GALNT14: variants seen among roughly 807,000 people sequenced by gnomAD.
The protein encoded by GALNT14 is UDP-GalNAc:polypeptide N-acetylgalactosaminyltransferase 14.
Under a neutral mutation model 77.5 loss-of-function variants are expected in GALNT14, and 60 were observed. That is an observed-to-expected ratio of 0.77 (90% CI 0.63 to 0.96). The LOEUF is 0.96. Ranked by LOEUF, GALNT14 falls within the 40% of genes least tolerant of loss-of-function variation. GALNT14 has a pLI of 0.00. For missense variants in GALNT14, 710 were observed against 731.0 expected, an observed-to-expected ratio of 0.97 and a Z score of 0.33; for synonymous variants, 280 against 281.7, an observed-to-expected ratio of 0.99 and a Z score of 0.06.
At chr2:30,908,217 C>A (rs1190480452), downstream of GALNT14, among the ~76,000 whole-genome samples, 4 of 151,162 alleles carry the variant, frequency 2.6e-5, no homozygotes, top group Non-Finnish European at 4.4e-5. Context: ...CCAGGGCAAT[C>A]AGGCAGGAGA....
At chr2:30,961,072 G>C (rs1667663689) in intron 3 of GALNT14, among the ~76,000 whole-genome samples, 2 of 152,238 alleles carry the variant, frequency 1.3e-5, no homozygotes, top group Non-Finnish European at 2.9e-5. Context: ...GGCAGCGTGG[G>C]CAGTGTAGGC....
intron 2 of GALNT14, among the ~76,000 whole-genome samples, chr2:30,988,940 C>T (rs368014769): frequency 1.0e-3 from 159 of 152,268 alleles, no homozygotes; most frequent in Middle Eastern, 0.01. Context: ...AAAGTGTGAT[C>T]CGTGGACTAG....
At chr2:31,079,895 G>GCT (rs1373530060) in intron 1 of GALNT14, among the ~76,000 whole-genome samples, 2 of 152,164 alleles carry the variant, frequency 1.3e-5, no homozygotes, top group Admixed American at 6.5e-5. Flanking sequence ...CCCTCCTGCT[G>GCT]CTCCCAGGGA....
intron 3 of GALNT14, 58 bp downstream of exon 3, chr2:30,966,146 C>A: frequency 4.4e-6 from 6 of 1,374,022 alleles, no homozygotes; most frequent in Non-Finnish European, 2.1e-6. Flanking sequence ...GGGGAGCAGA[C>A]ACACTGTCAC....
intron 1 of GALNT14, among the ~76,000 whole-genome samples, chr2:30,996,420 G>T (rs1451494132): frequency 6.6e-6 from 1 of 152,252 alleles, no homozygotes; most frequent in Non-Finnish European, 1.5e-5. Flanking sequence ...CAGCCATCTA[G>T]CCAGGTGGGA....
At chr2:30,941,072 A>G (rs1666349455) in intron 9 of GALNT14, among the ~76,000 whole-genome samples, 1 of 152,212 alleles carries the variant, frequency 6.6e-6, no homozygotes, top group Admixed American at 6.5e-5. Flanking sequence ...GGAGAAAACA[A>G]TGGCAGCAGA....
intron 1 of GALNT14, among the ~76,000 whole-genome samples, chr2:31,068,835 T>C (rs1286543525): frequency 6.6e-6 from 1 of 152,216 alleles, no homozygotes; most frequent in Non-Finnish European, 1.5e-5. Flanking sequence ...AAGAAAGTAC[T>C]GGCACGTGCT....
chr2:31,006,414 T>G (rs1270142704), intron 1 of GALNT14, among the ~76,000 whole-genome samples: 2 of 152,158 alleles, frequency 1.3e-5, no homozygotes, highest in Non-Finnish European at 2.9e-5. Flanking sequence ...CCTCGTTCTA[T>G]ACTCAGAACA....
chr2:30,923,543 T>C (rs1665171431), intron 13 of GALNT14, among the ~76,000 whole-genome samples: 1 of 151,854 alleles, frequency 6.6e-6, no homozygotes, highest in Non-Finnish European at 1.5e-5. Context: ...CCACAAGGGG[T>C]CCTGCAGACT....
At chr2:31,088,397 G>A (rs753848527) in intron 1 of GALNT14, among the ~76,000 whole-genome samples, 3 of 152,184 alleles carry the variant, frequency 2.0e-5, no homozygotes, top group Non-Finnish European at 4.4e-5. Context: ...TGGCCAATGG[G>A]ATGTGCAGAT....
intron 1 of GALNT14, among the ~76,000 whole-genome samples, chr2:31,087,924 C>G (rs939757879): frequency 6.6e-6 from 1 of 152,168 alleles, no homozygotes; most frequent in Non-Finnish European, 1.5e-5. Context: ...AAAGAGACTC[C>G]AGAGAGCTCC....
At chr2:30,892,905 T>C in the GALNT14 span, among the ~76,000 whole-genome samples, 2 of 152,340 alleles carry the variant, frequency 1.3e-5, no homozygotes, top group African/African-American at 4.8e-5. Context: ...GGACTCTTCA[T>C]AGAACTTGAC....
rs532388343 is a variant in GALNT14, at chr2:30,955,331, T to G, written c.654+287A>C. Among the ~76,000 whole-genome samples the G allele has an allele frequency of 7.5e-4, 114 of 152,330 alleles. 2 individuals carry two copies. The highest frequency in any genetic ancestry group is 2.7e-3 in the African/African-American group (113 of 41,568). Reference sequence around the variant, plus strand: ...GAACCGGTTCTGGGCAGTTCATTCCTGCCCAGGAAACTGCATATGTTATAT... The same window carrying G: ...GAACCGGTTCTGGGCAGTTCATTCCGGCCCAGGAAACTGCATATGTTATAT... On this transcript the variant is annotated intron_variant, in intron 6 of 14. Coordinates refer to ENST00000349752, the MANE Select transcript of GALNT14 (RefSeq NM_024572.4).
chr2:30,903,387 T>C, the GALNT14 span, among the ~76,000 whole-genome samples: 3 of 152,220 alleles, frequency 2.0e-5, no homozygotes, highest in African/African-American at 7.2e-5. Flanking sequence ...TAAAATAAAA[T>C]ATGCCAAAAG....
intron 1 of GALNT14, among the ~76,000 whole-genome samples, chr2:31,066,917 G>A (rs1279986184): frequency 6.6e-6 from 1 of 152,176 alleles, no homozygotes; most frequent in Non-Finnish European, 1.5e-5. Flanking sequence ...CTGGGAAAGG[G>A]GCAGGCTGCT....
chr2:31,017,774 G>A (rs956471176), intron 1 of GALNT14, among the ~76,000 whole-genome samples: 8 of 152,206 alleles, frequency 5.3e-5, no homozygotes, highest in East Asian at 1.9e-4. Context: ...GAAAGAGGGC[G>A]CTTGATGAAA....
At chr2:31,022,217 G>C (rs1671764314) in intron 1 of GALNT14, among the ~76,000 whole-genome samples, 1 of 152,208 alleles carries the variant, frequency 6.6e-6, no homozygotes, top group African/African-American at 2.4e-5. Flanking sequence ...AGCTGGCACA[G>C]ACTTGATTTT....
intron 2 of GALNT14, among the ~76,000 whole-genome samples, chr2:30,976,507 G>A (rs1668632500): frequency 6.6e-6 from 1 of 152,146 alleles, no homozygotes; most frequent in African/African-American, 2.4e-5. Context: ...AAGATCAGCA[G>A]ATCTATGGAG....
intron 1 of GALNT14, among the ~76,000 whole-genome samples, chr2:31,052,191 G>A (rs543270909): frequency 1.5e-4 from 23 of 151,880 alleles, no homozygotes; most frequent in East Asian, 5.8e-4. Flanking sequence ...ACCCCCTCCC[G>A]TGGACTCTAA....
Sources: gnomAD v4.1 joint callset for allele counts (sites outside exome capture counted in the v4.1 genomes callset) on GRCh38, gnomAD v4.1.1 for gene constraint, MANE v1.5 for transcripts, NCBI Gene and HGNC (gene_info 2026-07-23, HGNC 2026-07-21) for gene names.